Variants in FYB1 observed in about 807,000 individuals in gnomAD.
FYB1 encodes the protein FYN-binding protein 1.
FYB1 carries 41 observed loss-of-function variants against 94.1 expected under a neutral mutation model. The ratio of observed to expected loss-of-function variants is 0.44; its 90% CI spans 0.34 to 0.57. FYB1 has a LOEUF of 0.57. Ranked by LOEUF, FYB1 falls within the 20% of genes least tolerant of loss-of-function variation. The pLI is 0.02. For missense variants in FYB1, 1,050 were observed against 976.8 expected, an observed-to-expected ratio of 1.07 and a Z score of -1.00; for synonymous variants, 367 against 353.2, an observed-to-expected ratio of 1.04 and a Z score of -0.44.
intron 1 of FYB1, among the ~76,000 whole-genome samples, chr5:39,213,606 G>A (rs1448490234): frequency 6.6e-6 from 1 of 152,180 alleles, no homozygotes; most frequent in Non-Finnish European, 1.5e-5. Context: ...TCTGAAAGGG[G>A]AAACAACTAA....
intron 1 of FYB1, among the ~76,000 whole-genome samples, chr5:39,239,908 C>G (rs948558116): frequency 4.6e-5 from 7 of 152,134 alleles, no homozygotes; most frequent in Admixed American, 3.9e-4. Context: ...CAATTTCAAA[C>G]TATACTATAA....
intron 1 of FYB1, among the ~76,000 whole-genome samples, chr5:39,226,587 C>T (rs190023204): frequency 1.3e-5 from 2 of 152,288 alleles, no homozygotes; most frequent in Admixed American, 6.5e-5. Flanking sequence ...CCATCAAAGT[C>T]TCCTCTGACC....
At chr5:39,210,815 A>G (rs553777699) in intron 1 of FYB1, among the ~76,000 whole-genome samples, 1 of 152,206 alleles carries the variant, frequency 6.6e-6, no homozygotes, top group Non-Finnish European at 1.5e-5. Context: ...GTTTGAGTTC[A>G]TCCTAAGCAA....
At chr5:39,245,183 A>G (rs1043827483) in intron 1 of FYB1, among the ~76,000 whole-genome samples, 2 of 152,214 alleles carry the variant, frequency 1.3e-5, no homozygotes, top group African/African-American at 4.8e-5. Flanking sequence ...GTGGTATAAG[A>G]GAAAAAGAAA....
intron 1 of FYB1, among the ~76,000 whole-genome samples, chr5:39,239,510 C>G (rs553860910): frequency 6.6e-6 from 1 of 152,114 alleles, no homozygotes; most frequent in Non-Finnish European, 1.5e-5. Flanking sequence ...ATTCTATACA[C>G]CAACAACATC....
chr5:39,209,292 G>C (rs901546666), intron 1 of FYB1, among the ~76,000 whole-genome samples: 1 of 151,786 alleles, frequency 6.6e-6, no homozygotes, highest in African/African-American at 2.4e-5. Flanking sequence ...TAGAACAGCA[G>C]TGATCTTTTT....
At position 39,106,601 on chromosome 5, in the gene FYB1, T is replaced by C. The variant is rs906815774; in HGVS notation, c.*842A>G. 1 of 152,080 alleles carries C rather than the reference T, an allele frequency of 6.6e-6. No homozygotes were observed. Among genetic ancestry groups the C allele is most frequent in the East Asian group, 1.9e-4 (1 of 5,200 alleles). 9.4% of individuals were successfully genotyped at this position (152,080 alleles called of 1,614,324 possible). On this transcript the variant is annotated 3_prime_UTR_variant, in exon 19 of 19. Coordinates refer to ENST00000512982, the MANE Select transcript of FYB1 (RefSeq NM_001465.6). ...CAAAAACTTTAAAAAGTGTCTTCAT[T>C]ATAAAGAGGTGCCATGCATAAAAGC...
intron 1 of FYB1, among the ~76,000 whole-genome samples, chr5:39,268,825 A>G (rs999762492): frequency 6.6e-6 from 1 of 151,840 alleles, no homozygotes; most frequent in Non-Finnish European, 1.5e-5. Flanking sequence ...TCGGCCTCCC[A>G]AAGTGCTGGG....
chr5:39,217,225 G>T (rs909063338), intron 1 of FYB1, among the ~76,000 whole-genome samples: 2 of 152,166 alleles, frequency 1.3e-5, no homozygotes, highest in Non-Finnish European at 2.9e-5. Flanking sequence ...GGGCCTTAAA[G>T]GTAGAACAAT....
chr5:39,234,140 G>T (rs1210914618), intron 1 of FYB1, among the ~76,000 whole-genome samples: 1 of 151,986 alleles, frequency 6.6e-6, no homozygotes, highest in African/African-American at 2.4e-5. Flanking sequence ...CATATTCACT[G>T]CCCCATCACC....
intron 1 of FYB1, chr5:39,209,047 G>GCA (rs56712382): frequency 0.62 from 93,454 of 150,004 alleles, 33,351 homozygotes; most frequent in Non-Finnish European, 0.81. Context: ...CACACAATGC[G>GCA]CACACACACA....
At chr5:39,260,577 A>T (rs1456494045) in intron 1 of FYB1, among the ~76,000 whole-genome samples, 1 of 152,216 alleles carries the variant, frequency 6.6e-6, no homozygotes, top group Non-Finnish European at 1.5e-5. Context: ...AATACAAGGA[A>T]TGACAATTAG....
chr5:39,245,602 CT>C (rs200601347), intron 1 of FYB1, among the ~76,000 whole-genome samples: 227 of 140,718 alleles, frequency 1.6e-3, no homozygotes, highest in Admixed American at 2.9e-3. Context: ...GAGGAAGAGG[CT>C]TTTTTTTTTT....
intron 2 of FYB1, among the ~76,000 whole-genome samples, chr5:39,180,259 C>G (rs1202571506): frequency 6.6e-6 from 1 of 152,196 alleles, no homozygotes; most frequent in Non-Finnish European, 1.5e-5. Context: ...TAATTTCAGA[C>G]TCTAGAATGC....
chr5:39,195,856 G>A (rs1253971414), intron 2 of FYB1, among the ~76,000 whole-genome samples: 2 of 152,174 alleles, frequency 1.3e-5, no homozygotes, highest in Non-Finnish European at 2.9e-5. Flanking sequence ...CCAAAAGGAA[G>A]CAAAGGAAAG....
chr5:39,228,009 T>C (rs967599763), intron 1 of FYB1, among the ~76,000 whole-genome samples: 9 of 152,180 alleles, frequency 5.9e-5, no homozygotes, highest in African/African-American at 2.2e-4. Flanking sequence ...TTTCCATTCT[T>C]GACACACATA....
At chr5:39,192,788 G>A (rs1747478430) in intron 2 of FYB1, among the ~76,000 whole-genome samples, 1 of 152,254 alleles carries the variant, frequency 6.6e-6, no homozygotes. Context: ...TGCCTGAGCA[G>A]AAAGAATCTT....
chr5:39,232,279 C>A (rs1750777287), intron 1 of FYB1, among the ~76,000 whole-genome samples: 1 of 152,070 alleles, frequency 6.6e-6, no homozygotes, highest in African/African-American at 2.4e-5. Flanking sequence ...TTTCTGGCAT[C>A]AGTAGCCCAT....
chr5:39,107,167 T>A lies in FYB1; in HGVS notation c.*276A>T, dbSNP rs558037373. 121 of 249,818 alleles carry A rather than the reference T, an allele frequency of 4.8e-4. No homozygotes were observed. The highest frequency in any genetic ancestry group is 2.4e-3 in the African/African-American group (106 of 44,638). 15.5% of individuals were successfully genotyped at this position (249,818 alleles called of 1,614,324 possible). A position where few individuals can be genotyped will look rare whatever the true frequency, so the allele number is the denominator to read the frequency against. Reference sequence around the variant, plus strand: ...TTATTTACTGGTGGTCTAAAAGAAGTACCTTCAACTTCTTCATAATTGTAG... The same window carrying A: ...TTATTTACTGGTGGTCTAAAAGAAGAACCTTCAACTTCTTCATAATTGTAG... On this transcript the variant is annotated 3_prime_UTR_variant, in exon 19 of 19. Coordinates refer to ENST00000512982, the MANE Select transcript of FYB1 (RefSeq NM_001465.6).
Sources: gnomAD v4.1 joint callset for allele counts (sites outside exome capture counted in the v4.1 genomes callset) on GRCh38, gnomAD v4.1.1 for gene constraint, MANE v1.5 for transcripts, NCBI Gene and HGNC (gene_info 2026-07-23, HGNC 2026-07-21) for gene names.